PPIG: variants seen among roughly 807,000 people sequenced by gnomAD.
The protein encoded by PPIG is peptidyl-prolyl cis-trans isomerase G.
Under a neutral mutation model 87.9 loss-of-function variants are expected in PPIG, and 26 were observed. The observed-to-expected ratio is 0.30, with a 90% CI of 0.22 to 0.41. The LOEUF (loss-of-function observed/expected upper bound fraction) is 0.41, where lower values mean the gene tolerates loss of function less well. Among genes scored for constraint, PPIG ranks in the 10% least tolerant of loss-of-function variants. The pLI is 1.00. For synonymous variants in PPIG, 308 were observed against 276.5 expected (o/e 1.11, Z -1.13); for missense variants, 722 against 879.4 (o/e 0.82, Z 2.26).
At chr2:169,602,411 G>A (rs1048692067) in intron 1 of PPIG, among the ~76,000 whole-genome samples, 1 of 152,110 alleles carries the variant, frequency 6.6e-6, no homozygotes, top group South Asian at 2.1e-4. Context: ...TACCTCCCGG[G>A]CTCAAGCAAT....
chr2:169,598,948 A>G (rs989846821), intron 1 of PPIG, among the ~76,000 whole-genome samples: 2 of 149,900 alleles, frequency 1.3e-5, no homozygotes, highest in Non-Finnish European at 3.0e-5. Flanking sequence ...TATTTCTATA[A>G]CCTGTTCCTC....
intron 1 of PPIG, among the ~76,000 whole-genome samples, chr2:169,585,394 T>A (rs1684672964): frequency 6.6e-6 from 1 of 151,534 alleles, no homozygotes; most frequent in African/African-American, 2.4e-5. Flanking sequence ...CCCAAGTAGC[T>A]GGGACTACAG....
At chr2:169,619,073 G>A (rs905528473) in intron 9 of PPIG, among the ~76,000 whole-genome samples, 7 of 152,088 alleles carry the variant, frequency 4.6e-5, no homozygotes, top group Non-Finnish European at 7.4e-5. Context: ...ATTCTGGTAC[G>A]TTGTGTCTTT....
intron 7 of PPIG, among the ~76,000 whole-genome samples, chr2:169,609,301 C>G (rs990724797): frequency 2.6e-5 from 4 of 151,944 alleles, no homozygotes; most frequent in African/African-American, 4.8e-5. Flanking sequence ...CTCGACCTCC[C>G]TGGCTCAAGC....
At chr2:169,631,321 G>T in intron 10 of PPIG, 1 of 298,502 alleles carries the variant, frequency 3.4e-6, no homozygotes, top group South Asian at 4.4e-5. Context: ...AGTCCCCTTT[G>T]CTCTTACGAT....
In PPIG at chr2:169,630,987, G is replaced by A; in HGVS notation, c.761G>A (p.Ser254Asn). ...AAAAAGCGAAAGAAAAGCAAGAAGA[G>A]GTCTTAATTTTACTTTTCTAATGCT... ...EKKKRKKSKKSASSESEAENL... is the reference protein window; with the variant it reads ...EKKKRKKSKKNASSESEAENL... Residue 254 changes from serine to asparagine, a missense_variant and splice_region_variant, in exon 10 of 14, where the codon AGT (serine) becomes AAT (asparagine). Physicochemically the swap from Ser to Asn is conservative, Grantham distance 46. This residue lies in a region of PPIG where 142 missense variants were observed against 152.8 expected (regional missense o/e 0.93). Transcript: ENST00000260970. 1 of 1,580,270 alleles carries A rather than the reference G, an allele frequency of 6.3e-7. No individual in the cohort carries two copies. Among genetic ancestry groups the A allele is most frequent in the Non-Finnish European group, 8.6e-7 (1 of 1,168,834 alleles).
At chr2:169,610,913 A>G (rs765308475) in intron 7 of PPIG, among the ~76,000 whole-genome samples, 1 of 152,212 alleles carries the variant, frequency 6.6e-6, no homozygotes, top group Non-Finnish European at 1.5e-5. Flanking sequence ...TTTTTAAACA[A>G]AACAACTTAT....
intron 9 of PPIG, among the ~76,000 whole-genome samples, chr2:169,615,439 A>G (rs1239302477): frequency 6.6e-6 from 1 of 152,212 alleles, no homozygotes; most frequent in East Asian, 1.9e-4. Flanking sequence ...GCTAACTGAA[A>G]TTTTATATCC....
intron 12 of PPIG, among the ~76,000 whole-genome samples, chr2:169,635,442 C>T (rs1385063186): frequency 6.6e-6 from 1 of 152,040 alleles, no homozygotes; most frequent in African/African-American, 2.4e-5. Flanking sequence ...TTCCCTTTTC[C>T]TTTTATACCC....
At chr2:169,595,188 G>A (rs532383174) in intron 1 of PPIG, among the ~76,000 whole-genome samples, 1 of 152,240 alleles carries the variant, frequency 6.6e-6, no homozygotes, top group African/African-American at 2.4e-5. Context: ...TCAGAGTGCT[G>A]GGATTATAGG....
At chr2:169,611,240 GAAAA>G (rs1347431136) in intron 7 of PPIG, among the ~76,000 whole-genome samples, 1 of 151,814 alleles carries the variant, frequency 6.6e-6, no homozygotes, top group Non-Finnish European at 1.5e-5. Context: ...TGTAAAAAAA[GAAAA>G]AGAAAAAAAG....
rs779179794 is a variant in PPIG, at chr2:169,636,934, A to G, written c.1676A>G (p.Asn559Ser). The G allele has an allele frequency of 1.1e-5, 17 of 1,613,884 alleles. No individual in the cohort carries two copies. Among genetic ancestry groups the G allele is most frequent in the Admixed American group, 1.7e-5 (1 of 59,958 alleles). The change falls in exon 14 of 14, where the codon AAT becomes AGT. Residue 559 changes from asparagine (N) to serine (S), a missense_variant. Around this residue, in one of 4 missense-constraint regions of PPIG, gnomAD observed 476 missense variants for 483.1 expected, o/e 0.99. Transcript: ENST00000260970. ...CDITKGKHSYNSRTRERSRSR... is the reference protein window; with the variant it reads ...CDITKGKHSYSSRTRERSRSR... ...ATAACTAAAGGTAAACACAGTTATA[A>G]TAGCAGAACAAGAGAACGAAGCAGA...
chr2:169,639,451 T>TA lies in PPIG; in HGVS notation c.*1929dup, dbSNP rs201888019. The stretch of plus-strand genomic sequence containing the variant: ...TAAGTCCATGCTAAGTAAAAATTCT[T>TA]ACATGTTGTCTGATCCCAGAGCTTT... On this transcript the variant is annotated 3_prime_UTR_variant, in exon 14 of 14. Transcript: ENST00000260970. 2.6e-5 allele frequency: 4 copies of TA among 152,168 alleles called. No individual in the cohort carries two copies. Among genetic ancestry groups the TA allele is most frequent in the East Asian group, 1.9e-4 (1 of 5,192 alleles). The allele number at this position is 152,168 out of a possible 1,614,324, so 9.4% of individuals were successfully genotyped here. A position where few individuals can be genotyped will look rare whatever the true frequency, so the allele number is the denominator to read the frequency against.
At chr2:169,613,544 A>AT (rs900396451) in intron 7 of PPIG, among the ~76,000 whole-genome samples, 3 of 152,068 alleles carry the variant, frequency 2.0e-5, no homozygotes, top group African/African-American at 2.4e-5. Context: ...GGGGAGTGGG[A>AT]TTTTTTAAAA....
At position 169,607,107 on chromosome 2, in the gene PPIG, A is replaced by G. The variant is rs768951950; in HGVS notation, c.248A>G (p.Asn83Ser). 1.3e-6 allele frequency: 2 copies of G among 1,568,860 alleles called. No homozygotes were observed. Among genetic ancestry groups the G allele is most frequent in the Non-Finnish European group, 1.7e-6 (2 of 1,143,590 alleles). ...MVQGGDFSEGNGRGGESIYGG... is the reference protein window; with the variant it reads ...MVQGGDFSEGSGRGGESIYGG... ...AGAGTATGTTTTTCATTTTTAGGAA[A>G]TGGACGAGGAGGGGAATCTATCTAT... Residue 83 changes from asparagine (N) to serine (S), a missense_variant, in exon 6 of 14, where the codon AAT becomes AGT. Asn to Ser is a conservative substitution (Grantham distance 46, BLOSUM62 1). Coordinates refer to ENST00000260970, the MANE Select transcript of PPIG (RefSeq NM_004792.3).
chr2:169,620,615 A>G (rs565169433), intron 9 of PPIG, among the ~76,000 whole-genome samples: 1 of 152,288 alleles, frequency 6.6e-6, no homozygotes, highest in East Asian at 1.9e-4. Context: ...CTTTAAGGGA[A>G]TAAATTATTT....
At chr2:169,624,278 A>G (rs1685828089) in intron 9 of PPIG, among the ~76,000 whole-genome samples, 1 of 152,122 alleles carries the variant, frequency 6.6e-6, no homozygotes, top group African/African-American at 2.4e-5. Context: ...TAACCTTAAT[A>G]TTATACTAGT....
chr2:169,599,131 G>T (rs975454848), intron 1 of PPIG, among the ~76,000 whole-genome samples: 5 of 151,978 alleles, frequency 3.3e-5, no homozygotes, highest in Admixed American at 1.3e-4. Context: ...GATATTTGTT[G>T]TCAAATTGGC....
intron 7 of PPIG, among the ~76,000 whole-genome samples, chr2:169,610,999 A>T (rs1259801409): frequency 1.3e-5 from 2 of 152,176 alleles, no homozygotes; most frequent in African/African-American, 4.8e-5. Context: ...ACTTGAGGTT[A>T]GGTGTTCGAG....
Sources: gnomAD v4.1 joint callset for allele counts (sites outside exome capture counted in the v4.1 genomes callset) on GRCh38, gnomAD v4.1.1 for gene constraint, gnomAD v4.1.1 regional missense constraint, MANE v1.5 for transcripts, NCBI Gene and HGNC (gene_info 2026-07-23, HGNC 2026-07-21) for gene names.